FBXW7: variants seen among roughly 807,000 people sequenced by gnomAD.
The protein encoded by FBXW7 is F-box and WD repeat domain containing 7.
A neutral mutation model predicts 86.3 loss-of-function variants in FBXW7; 11 were observed. The observed-to-expected ratio is 0.13, with a 90% CI of 0.08 to 0.21. The LOEUF (loss-of-function observed/expected upper bound fraction) is 0.21. Among genes scored for constraint, FBXW7 ranks in the 10% least tolerant of loss-of-function variants. The pLI is 1.00. For synonymous variants in FBXW7, 313 were observed against 297.9 expected, an observed-to-expected ratio of 1.05 and a Z score of -0.52; for missense variants, 488 against 847.4, an observed-to-expected ratio of 0.58 and a Z score of 5.27.
At chr4:152,489,061 C>G (rs549575814) in intron 2 of FBXW7, among the ~76,000 whole-genome samples, 7 of 151,930 alleles carry the variant, frequency 4.6e-5, no homozygotes, top group African/African-American at 1.7e-4. Flanking sequence ...ACTTTTGAGG[C>G]TAAATAGAGA....
At chr4:152,326,979 T>C (rs1729092753) in intron 11 of FBXW7, among the ~76,000 whole-genome samples, 1 of 152,136 alleles carries the variant, frequency 6.6e-6, no homozygotes, top group African/African-American at 2.4e-5. Context: ...CCTTAAACAT[T>C]TGGTTCAACA....
intron 2 of FBXW7, among the ~76,000 whole-genome samples, chr4:152,455,073 A>G (rs1742286738): frequency 6.6e-6 from 1 of 152,188 alleles, no homozygotes; most frequent in Admixed American, 6.5e-5. Flanking sequence ...GGAAGCTGTA[A>G]AAAGACTTTA....
rs3841114 is a variant in FBXW7 at position 152,322,324 on chromosome 4, CAA to C, written c.*555_*556del. 10,844 of 161,916 alleles carry C rather than the reference CAA, an allele frequency of 0.067. 1 individual carries two copies. The highest frequency in any genetic ancestry group is 0.16 in the East Asian group (1,964 of 11,954). 10.0% of individuals were successfully genotyped at this position (161,916 alleles called of 1,614,324 possible). A position where few individuals can be genotyped will look rare whatever the true frequency, so the allele number is the denominator to read the frequency against. On this transcript the variant is annotated 3_prime_UTR_variant, in exon 14 of 14. Transcript: ENST00000281708. Reference sequence around the variant, plus strand: ...ATTGATTGACATTGGCAATGGTTGGCAAAAAAAAAAAAAAAAAAGCTTTTCAT... The same window carrying C: ...ATTGATTGACATTGGCAATGGTTGGCAAAAAAAAAAAAAAAAGCTTTTCAT...
intron 10 of FBXW7, 27 bp downstream of exon 10, chr4:152,329,645 T>A (rs776083685): frequency 3.5e-5 from 42 of 1,210,046 alleles, no homozygotes; most frequent in Admixed American, 2.8e-4. Flanking sequence ...ATTATGACTT[T>A]GTGAAGTGTA....
intron 2 of FBXW7, among the ~76,000 whole-genome samples, chr4:152,469,448 A>C (rs536092189): frequency 6.6e-6 from 1 of 152,176 alleles, no homozygotes; most frequent in Admixed American, 6.5e-5. Flanking sequence ...ACACCTACAA[A>C]ATTTTTCATA....
intron 2 of FBXW7, among the ~76,000 whole-genome samples, chr4:152,483,481 T>C (rs1413443712): frequency 6.6e-6 from 1 of 151,098 alleles, no homozygotes; most frequent in Non-Finnish European, 1.5e-5. Flanking sequence ...AGGTGAAGGA[T>C]CACTTGAGCC....
rs534094972 is a variant in FBXW7, at chr4:152,355,684, T to C, written c.502-5560A>G. ...CATTAGCAAAGGGAATGACCAACAA[T>C]AAGGTCCTGGAATAAAATCCATCTG... On this transcript the variant is annotated intron_variant, in intron 4 of 13. Transcript: ENST00000281708. Among the ~76,000 whole-genome samples, 13 of 152,172 alleles carry C rather than the reference T, an allele frequency of 8.5e-5. 1 individual carries two copies. The highest frequency in any genetic ancestry group is 2.6e-4 in the African/African-American group (11 of 41,536).
chr4:152,450,388 T>C (rs1412382759), intron 2 of FBXW7, among the ~76,000 whole-genome samples: 1 of 152,202 alleles, frequency 6.6e-6, no homozygotes, highest in Non-Finnish European at 1.5e-5. Flanking sequence ...CAGCTATTCA[T>C]CGAAAGAGCA....
At chr4:152,328,547 ATTGTT>A in intron 10 of FBXW7, 158 bp from the exon 11 acceptor site, 1 of 479,764 alleles carries the variant, frequency 2.1e-6, no homozygotes, top group Non-Finnish European at 3.6e-6. Flanking sequence ...ATCACTATTT[ATTGTT>A]TTGTTTATTC....
chr4:152,352,782 G>A (rs199628411), intron 4 of FBXW7: 8 of 1,598,598 alleles, frequency 5.0e-6, no homozygotes, highest in Non-Finnish European at 6.0e-6. Context: ...GAGAGAGAAC[G>A]GAGAAGATTA....
intron 2 of FBXW7, among the ~76,000 whole-genome samples, chr4:152,445,531 T>C (rs1006503805): frequency 2.7e-4 from 41 of 152,358 alleles, no homozygotes; most frequent in African/African-American, 9.4e-4. Context: ...TTAGGAGTTG[T>C]AGAACCTCTC....
chr4:152,343,583 C>A (rs1379681865), intron 6 of FBXW7, among the ~76,000 whole-genome samples: 1 of 152,084 alleles, frequency 6.6e-6, no homozygotes, highest in African/African-American at 2.4e-5. Context: ...CCTTCTATGT[C>A]ATTTGTGCTA....
intron 2 of FBXW7, among the ~76,000 whole-genome samples, chr4:152,458,299 G>A (rs997709772): frequency 3.3e-5 from 5 of 152,192 alleles, no homozygotes; most frequent in Non-Finnish European, 2.9e-5. Context: ...GATTACAGGC[G>A]TGAGCCACCG....
chr4:152,474,797 C>A (rs1744249135), intron 2 of FBXW7, among the ~76,000 whole-genome samples: 1 of 152,158 alleles, frequency 6.6e-6, no homozygotes, highest in Non-Finnish European at 1.5e-5. Flanking sequence ...TCTCAAGTAG[C>A]TGGGACTACA....
intron 4 of FBXW7, among the ~76,000 whole-genome samples, chr4:152,409,120 T>C (rs1024121777): frequency 2.0e-5 from 3 of 152,186 alleles, no homozygotes; most frequent in African/African-American, 7.2e-5. Context: ...TATTTGCTTA[T>C]GCAGCATATT....
chr4:152,478,193 C>G (rs1343144543), intron 2 of FBXW7, among the ~76,000 whole-genome samples: 2 of 152,064 alleles, frequency 1.3e-5, no homozygotes, highest in Non-Finnish European at 2.9e-5. Context: ...TTTCATCATT[C>G]CAAATAGAAA....
At chr4:152,386,548 C>G (rs1227580930) in intron 4 of FBXW7, among the ~76,000 whole-genome samples, 1 of 152,026 alleles carries the variant, frequency 6.6e-6, no homozygotes, top group Non-Finnish European at 1.5e-5. Flanking sequence ...AAAGCAGATT[C>G]TAAAATCCAT....
At chr4:152,401,212 A>G (rs1736897133) in intron 4 of FBXW7, among the ~76,000 whole-genome samples, 1 of 152,178 alleles carries the variant, frequency 6.6e-6, no homozygotes, top group Admixed American at 6.5e-5. Flanking sequence ...GGAGTTAAAA[A>G]CTTAGTCCAT....
At chr4:152,515,024 C>T (rs1019071097) in intron 2 of FBXW7, among the ~76,000 whole-genome samples, 3 of 152,078 alleles carry the variant, frequency 2.0e-5, no homozygotes, top group Admixed American at 6.6e-5. Flanking sequence ...TACACAAGCA[C>T]GTATGGTTTA....
Sources: gnomAD v4.1 joint callset for allele counts (sites outside exome capture counted in the v4.1 genomes callset) on GRCh38, gnomAD v4.1.1 for gene constraint, MANE v1.5 for transcripts, NCBI Gene and HGNC (gene_info 2026-07-23, HGNC 2026-07-21) for gene names.